The following EPC1 variants were observed in gnomAD, a reference collection of about 807,000 sequenced individuals.
EPC1 encodes enhancer of polycomb 1.
A neutral mutation model predicts 98.4 loss-of-function variants in EPC1; 12 were observed. The observed-to-expected ratio is 0.12, with a 90% CI of 0.08 to 0.20. EPC1 has a LOEUF of 0.20. Among genes scored for constraint, EPC1 ranks in the 10% least tolerant of loss-of-function variants. EPC1 has a pLI of 1.00. For synonymous variants in EPC1, 357 were observed against 363.9 expected (o/e 0.98, Z 0.21); for missense variants, 729 against 990.5 (o/e 0.74, Z 3.54).
intron 10 of EPC1, among the ~76,000 whole-genome samples, chr10:32,277,214 G>T (rs1346458042): frequency 6.6e-6 from 1 of 152,046 alleles, no homozygotes; most frequent in Non-Finnish European, 1.5e-5. Context: ...GACAAACAAG[G>T]GTCTACGCAA....
intron 1 of EPC1, among the ~76,000 whole-genome samples, chr10:32,355,592 C>A (rs1839247035): frequency 7.0e-6 from 1 of 143,390 alleles, no homozygotes. Flanking sequence ...AACACACTAC[C>A]TTTAGTGCCT....
intron 13 of EPC1, among the ~76,000 whole-genome samples, chr10:32,269,712 A>T (rs1483542489): frequency 6.6e-6 from 1 of 152,276 alleles, no homozygotes. Context: ...TAGAGCAGTA[A>T]AATCATGATA....
intron 10 of EPC1, among the ~76,000 whole-genome samples, chr10:32,279,284 G>C (rs948844215): frequency 1.3e-5 from 2 of 151,584 alleles, no homozygotes; most frequent in Admixed American, 6.6e-5. Context: ...GTAGGCGGAG[G>C]TTGCAGTGAG....
intron 11 of EPC1, 50 bp downstream of exon 11, chr10:32,273,113 C>A: frequency 6.2e-7 from 1 of 1,614,084 alleles, no homozygotes; most frequent in South Asian, 1.1e-5. Context: ...TAGAGATGAA[C>A]TCTGGTGGGA....
At chr10:32,334,130 C>T (rs932688455) in intron 1 of EPC1, among the ~76,000 whole-genome samples, 2 of 152,188 alleles carry the variant, frequency 1.3e-5, no homozygotes, top group African/African-American at 4.8e-5. Context: ...TGAGACTCAC[C>T]TAAGGATTGG....
At chr10:32,294,268 C>T (rs1835013552) in intron 2 of EPC1, among the ~76,000 whole-genome samples, 1 of 152,160 alleles carries the variant, frequency 6.6e-6, no homozygotes, top group Non-Finnish European at 1.5e-5. Flanking sequence ...GAATCCCTCA[C>T]CCAAAATGCT....
Position 32,346,861 on chromosome 10 carries a change from C to T in EPC1, c.55G>A (p.Val19Ile), listed in dbSNP as rs765189189. The change falls in exon 1 of 14, where the codon GTT (valine) becomes ATT (isoleucine). Residue 19 changes from valine (V) to isoleucine (I), a missense_variant. Around this residue, in one of 6 missense-constraint regions of EPC1, gnomAD observed 46 missense variants for 119.7 expected, o/e 0.38. Transcript: ENST00000319778. ...RALDASKPLPVFRCEDLPDLH... is the reference protein window; with the variant it reads ...RALDASKPLPIFRCEDLPDLH... ...TCGGGCAGATCCTCACAGCGGAAAA[C>T]CGGCAGCGGCTTCGAGGCGTCTAGC... 6.2e-7 allele frequency: 1 copy of T among 1,614,174 alleles called. No homozygotes were observed.
chr10:32,322,485 T>C (rs1564546226), intron 1 of EPC1, among the ~76,000 whole-genome samples: 1 of 152,154 alleles, frequency 6.6e-6, no homozygotes, highest in Non-Finnish European at 1.5e-5. Flanking sequence ...ATGAACTAAA[T>C]AGGTTGAAAC....
In EPC1 at chr10:32,322,191, C is replaced by T. The variant is rs541590118; in HGVS notation, c.154-16260G>A. Reference sequence around the variant, plus strand: ...TTAGCCTTACATGTATCGCAGTTCGCAGTAAAAAGTCTGTTTTATCTTGCT... The same window carrying T: ...TTAGCCTTACATGTATCGCAGTTCGTAGTAAAAAGTCTGTTTTATCTTGCT... On this transcript the variant is annotated intron_variant, in intron 1 of 13. Coordinates refer to ENST00000319778, the MANE Select transcript of EPC1 (RefSeq NM_001272004.3). Among the ~76,000 whole-genome samples the T allele has an allele frequency of 9.0e-4, 137 of 151,558 alleles. 1 individual carries two copies. Among genetic ancestry groups the T allele is most frequent in the African/African-American group, 3.2e-3 (134 of 41,254 alleles).
intron 1 of EPC1, among the ~76,000 whole-genome samples, chr10:32,371,071 C>T (rs931952006): frequency 1.3e-5 from 2 of 152,192 alleles, no homozygotes; most frequent in Non-Finnish European, 2.9e-5. Context: ...TGGTTTTTTC[C>T]TCCCTCATTT....
At chr10:32,344,565 C>G (rs1838623856) in intron 1 of EPC1, among the ~76,000 whole-genome samples, 1 of 152,120 alleles carries the variant, frequency 6.6e-6, no homozygotes, top group African/African-American at 2.4e-5. Flanking sequence ...GCGGGCGGAT[C>G]ACCTGAGGTC....
At chr10:32,372,504 T>C (rs1839776989) in intron 1 of EPC1, among the ~76,000 whole-genome samples, 1 of 152,244 alleles carries the variant, frequency 6.6e-6, no homozygotes, top group African/African-American at 2.4e-5. Flanking sequence ...TTGATCTTCT[T>C]TTCCCTGTAA....
At chr10:32,312,245 T>C (rs900392344) in intron 1 of EPC1, among the ~76,000 whole-genome samples, 2 of 152,184 alleles carry the variant, frequency 1.3e-5, no homozygotes, top group Non-Finnish European at 2.9e-5. Flanking sequence ...CAATAGCGGC[T>C]GCAGGGTTTT....
intron 1 of EPC1, among the ~76,000 whole-genome samples, chr10:32,323,677 G>A (rs985373943): frequency 3.3e-5 from 5 of 152,094 alleles, no homozygotes; most frequent in Non-Finnish European, 7.4e-5. Flanking sequence ...GTAAAATCAC[G>A]TAATTGCCAT....
chr10:32,364,788 G>A (rs920823553), intron 1 of EPC1, among the ~76,000 whole-genome samples: 8 of 152,028 alleles, frequency 5.3e-5, no homozygotes, highest in Admixed American at 3.9e-4. Flanking sequence ...TATCAAGCTC[G>A]TCCAACCTGC....
chr10:32,341,562 TG>T (rs1377277302), intron 1 of EPC1, among the ~76,000 whole-genome samples: 3 of 152,162 alleles, frequency 2.0e-5, no homozygotes, highest in African/African-American at 7.2e-5. Context: ...CAGAAAAAAA[TG>T]TAATTCAGTA....
intron 1 of EPC1, chr10:32,346,432 G>T (rs2133064826): frequency 8.9e-6 from 2 of 225,442 alleles, no homozygotes; most frequent in East Asian, 2.4e-4. Context: ...CCCCTCTCCG[G>T]ATGCACAAGG....
chr10:32,354,977 C>T (rs1419399155), intron 1 of EPC1, among the ~76,000 whole-genome samples: 1 of 152,128 alleles, frequency 6.6e-6, no homozygotes, highest in African/African-American at 2.4e-5. Context: ...CCCACTGATT[C>T]TACATTATGG....
Position 32,284,671 on chromosome 10 carries a change from A to G in EPC1, c.1744+27T>C, listed in dbSNP as rs1047526306. The G allele has an allele frequency of 5.2e-6, 8 of 1,549,212 alleles. No homozygotes were observed. The African/African-American group carries it at 8.2e-5, about 16-fold the overall frequency. On this transcript the variant is annotated intron_variant, in intron 10 of 13. Transcript: ENST00000319778. The stretch of plus-strand genomic sequence containing the variant: ...TGGTTGGACCTGACATTTCTATAGA[A>G]ACGTACATCATTAACAGTCAACATA...
Sources: allele counts gnomAD v4.1 joint callset (sites outside exome capture counted in the v4.1 genomes callset), GRCh38; gene constraint gnomAD v4.1.1; regional missense constraint gnomAD v4.1.1; transcripts MANE v1.5; gene names NCBI Gene and HGNC (gene_info 2026-07-23, HGNC 2026-07-21).